NEK4: variants seen among roughly 807,000 people sequenced by gnomAD.
NEK4 encodes NIMA related kinase 4.
Under a neutral mutation model 98.4 loss-of-function variants are expected in NEK4, and 86 were observed. That is an observed-to-expected ratio of 0.87 (90% CI 0.73 to 1.05). NEK4 has a LOEUF of 1.05. Among genes scored for constraint, NEK4 ranks in the 50% least tolerant of loss-of-function variants. The probability of loss-of-function intolerance (pLI) is 0.00; values close to 1 mark genes in which losing one functional copy is unlikely to be tolerated. For synonymous variants in NEK4, 328 were observed against 342.2 expected, an observed-to-expected ratio of 0.96 and a Z score of 0.46; for missense variants, 898 against 950.3, an observed-to-expected ratio of 0.94 and a Z score of 0.72.
intron 14 of NEK4, among the ~76,000 whole-genome samples, chr3:52,738,610 C>G (rs547216297): frequency 6.6e-6 from 1 of 151,960 alleles, no homozygotes; most frequent in Admixed American, 6.6e-5. Context: ...GCCACTATGC[C>G]TGGCTAATTT....
Position 52,749,698 on chromosome 3 carries a change from G to A in NEK4, c.1500C>T (p.His500=), listed in dbSNP as rs770001642. The A allele has an allele frequency of 1.2e-5, 3 of 255,804 alleles. No individual in the cohort carries two copies. The highest frequency in any genetic ancestry group is 2.4e-5 in the Non-Finnish European group (3 of 125,546). The allele number at this position is 255,804 out of a possible 1,614,324, so 15.8% of individuals were successfully genotyped here. A position where few individuals can be genotyped will look rare whatever the true frequency, so the allele number is the denominator to read the frequency against. ...GAAAAACTGCAAAAATTACCTGGGC[G>A]TGGTGGCACACGCCTGTAATCCCAG... The part of the protein sequence containing the change: ...RVAGITGVCH[H]AQDQVAGECI... The change falls in exon 8 of 16, where the codon CAC becomes CAT. Residue 500 remains histidine (H), a synonymous_variant. Transcript: ENST00000233027.
In NEK4 at chr3:52,766,379, A is replaced by G. The variant is rs1262709426; in HGVS notation, c.361-4T>C. 3 of 1,603,236 alleles carry G rather than the reference A, an allele frequency of 1.9e-6. No homozygotes were observed. In the East Asian group the frequency reaches 6.7e-5, roughly 36 times the overall value. ...GGATGTGTTTTTCATGTAAATACTGAGGAAAGAAACAAGATTTTATTACAT... is the reference window on the plus strand; with the variant it reads ...GGATGTGTTTTTCATGTAAATACTGGGGAAAGAAACAAGATTTTATTACAT... On this transcript the variant is annotated splice_polypyrimidine_tract_variant and splice_region_variant and intron_variant, in intron 2 of 15. Coordinates refer to ENST00000233027, the MANE Select transcript of NEK4 (RefSeq NM_003157.6).
At chr3:52,714,975 G>A (rs867593415) in intron 15 of NEK4, among the ~76,000 whole-genome samples, 2 of 152,224 alleles carry the variant, frequency 1.3e-5, no homozygotes, top group Admixed American at 6.5e-5. Context: ...GGGGAGTGGA[G>A]GGCAGCTTGG....
intron 6 of NEK4, among the ~76,000 whole-genome samples, chr3:52,755,309 G>T (rs1329291683): frequency 6.6e-6 from 1 of 152,090 alleles, no homozygotes; most frequent in Admixed American, 6.6e-5. Flanking sequence ...TGTTTGAAAT[G>T]ATGAAAAGGT....
intron 9 of NEK4, 93 bp downstream of exon 9, chr3:52,746,641 T>C (rs756784729): frequency 6.0e-5 from 69 of 1,151,470 alleles, no homozygotes; most frequent in Non-Finnish European, 6.9e-5. Context: ...GTTCCTTGCA[T>C]TTCTTACATG....
chr3:52,761,993 G>A (rs1698375301), intron 5 of NEK4, among the ~76,000 whole-genome samples: 1 of 152,210 alleles, frequency 6.6e-6, no homozygotes, highest in African/African-American at 2.4e-5. Flanking sequence ...TACACTGGAA[G>A]GCCAAAGGTC....
chr3:52,769,891 A>G (rs1420068395), intron 1 of NEK4, among the ~76,000 whole-genome samples: 1 of 152,236 alleles, frequency 6.6e-6, no homozygotes, highest in East Asian at 1.9e-4. Context: ...TTTAAATTTG[A>G]GAAAGATCAC....
chr3:52,743,764 G>A (rs1365422883), intron 11 of NEK4, among the ~76,000 whole-genome samples: 1 of 152,124 alleles, frequency 6.6e-6, no homozygotes, highest in Admixed American at 6.6e-5. Context: ...CCCTTAATAT[G>A]TTTACCATAA....
At position 52,770,903 on chromosome 3, in the gene NEK4, A is replaced by ACGC. The variant is rs1318996194; in HGVS notation, c.-160_-158dup. ...GATTGCTGGGGCCCGGCCCGCGACGACGCCGCTGCCATAGCGATCCGGGCC... is the reference window on the plus strand; with the variant it reads ...GATTGCTGGGGCCCGGCCCGCGACGACGCCGCCGCTGCCATAGCGATCCGGGCC... On this transcript the variant is annotated 5_prime_UTR_variant, in exon 1 of 16. Transcript: ENST00000233027. 4.6e-5 allele frequency: 29 copies of ACGC among 630,852 alleles called. No homozygotes were observed. The highest frequency in any genetic ancestry group is 7.7e-5 in the Non-Finnish European group (28 of 364,684). The allele number at this position is 630,852 out of a possible 1,614,324, so 39.1% of individuals were successfully genotyped here. A position where few individuals can be genotyped will look rare whatever the true frequency, so the allele number is the denominator to read the frequency against.
chr3:52,743,291 A>T, intron 12 of NEK4, 61 bp downstream of exon 12: 1 of 1,275,870 alleles, frequency 7.8e-7, no homozygotes, highest in Non-Finnish European at 1.1e-6. Context: ...TAAAAGGTTT[A>T]CTGCATTAGG....
intron 14 of NEK4, 81 bp downstream of exon 14, chr3:52,739,348 A>C: frequency 8.2e-7 from 1 of 1,212,468 alleles, no homozygotes; most frequent in East Asian, 2.3e-5. Context: ...GCAGTGAGCC[A>C]AGATCACACT....
intron 6 of NEK4, among the ~76,000 whole-genome samples, chr3:52,757,306 C>T (rs1028551703): frequency 2.0e-5 from 3 of 152,198 alleles, no homozygotes; most frequent in Non-Finnish European, 4.4e-5. Flanking sequence ...GCCTGTAATT[C>T]TAGCACTTTG....
chr3:52,750,591 C>T (rs1203870528), intron 7 of NEK4, among the ~76,000 whole-genome samples: 1 of 152,070 alleles, frequency 6.6e-6, no homozygotes, highest in Non-Finnish European at 1.5e-5. Flanking sequence ...CATGCACACA[C>T]ACACAGGCAC....
chr3:52,749,217 C>G (rs2097401093), intron 8 of NEK4, among the ~76,000 whole-genome samples: 1 of 152,052 alleles, frequency 6.6e-6, no homozygotes, highest in Admixed American at 6.5e-5. Context: ...ACTACAACCT[C>G]TGCCTCCCAG....
intron 15 of NEK4, among the ~76,000 whole-genome samples, chr3:52,715,047 C>T (rs1026726549): frequency 2.6e-4 from 39 of 152,220 alleles, no homozygotes; most frequent in African/African-American, 8.9e-4. Context: ...GGCAGACAGG[C>T]TACTGGGCAG....
chr3:52,723,041 A>T (rs2097361460), intron 15 of NEK4, among the ~76,000 whole-genome samples: 1 of 152,040 alleles, frequency 6.6e-6, no homozygotes, highest in Non-Finnish European at 1.5e-5. Flanking sequence ...CTGTCTCTAC[A>T]AAAAAATTTT....
intron 2 of NEK4, among the ~76,000 whole-genome samples, chr3:52,767,601 C>T (rs1363430684): frequency 6.6e-6 from 1 of 151,854 alleles, no homozygotes; most frequent in Non-Finnish European, 1.5e-5. Flanking sequence ...GCCTGTAATC[C>T]CAGCTACTTG....
At chr3:52,757,580 G>T (rs934108151) in intron 6 of NEK4, among the ~76,000 whole-genome samples, 1 of 147,316 alleles carries the variant, frequency 6.8e-6, no homozygotes, top group Non-Finnish European at 1.5e-5. Context: ...AAAGAAAAAA[G>T]AAATCAGGGT....
At chr3:52,767,723 GAAA>G (rs200021778) in intron 2 of NEK4, among the ~76,000 whole-genome samples, 3 of 113,822 alleles carry the variant, frequency 2.6e-5, no homozygotes, top group African/African-American at 9.6e-5. Flanking sequence ...CGTCTCAAAA[GAAA>G]AAAAAAAAAA....
Sources: gnomAD v4.1 joint callset for allele counts (sites outside exome capture counted in the v4.1 genomes callset) on GRCh38, gnomAD v4.1.1 for gene constraint, MANE v1.5 for transcripts, NCBI Gene and HGNC (gene_info 2026-07-23, HGNC 2026-07-21) for gene names.